Variants in LIN28B observed in about 807,000 individuals in gnomAD.
LIN28B encodes protein lin-28 homolog B.
LIN28B carries 5 observed loss-of-function variants against 21.9 expected under a neutral mutation model. That is an observed-to-expected ratio of 0.23 (90% CI 0.12 to 0.48). The LOEUF (loss-of-function observed/expected upper bound fraction) is 0.48, where lower values mean the gene tolerates loss of function less well. LIN28B is among the 20% of genes least tolerant of loss of function. The pLI is 0.98. For synonymous variants in LIN28B, 109 were observed against 111.3 expected (o/e 0.98, Z 0.13); for missense variants, 245 against 310.5 (o/e 0.79, Z 1.58).
At chr6:104,939,256 A>G (rs887646459) in intron 2 of LIN28B, 2 of 152,260 alleles carry the variant, frequency 1.3e-5, no homozygotes, top group Non-Finnish European at 2.9e-5. Flanking sequence ...TACAATGATT[A>G]TAACTAAGAA....
Position 105,069,979 on chromosome 6 carries a change from TC to T in LIN28B, c.384-8433del, listed in dbSNP as rs371953251. Among the ~76,000 whole-genome samples, 11 of 152,168 alleles carry T rather than the reference TC, an allele frequency of 7.2e-5. No homozygotes were observed. The East Asian group carries it at 1.9e-3, about 27-fold the overall frequency. On this transcript the variant is annotated intron_variant, in intron 3 of 3. Coordinates refer to ENST00000345080, the MANE Select transcript of LIN28B (RefSeq NM_001004317.4). ...CTCCCTTATTTCCTTCTCTTTCCCT[TC>T]CTCCTTCCCTCCTTCCACCCCTCCC...
chr6:104,985,661 T>A (rs939663573), intron 2 of LIN28B, among the ~76,000 whole-genome samples: 4 of 152,176 alleles, frequency 2.6e-5, no homozygotes, highest in African/African-American at 9.6e-5. Context: ...TATGTCATAT[T>A]ATATATTTTC....
At chr6:104,955,941 T>C (rs556120069), upstream of LIN28B, among the ~76,000 whole-genome samples, 1 of 152,148 alleles carries the variant, frequency 6.6e-6, no homozygotes, top group African/African-American at 2.4e-5. Flanking sequence ...TTGAACCAGT[T>C]TGAAAGGTAA....
chr6:105,000,085 A>G (rs1040316109), intron 2 of LIN28B, among the ~76,000 whole-genome samples: 3 of 152,102 alleles, frequency 2.0e-5, no homozygotes, highest in Non-Finnish European at 4.4e-5. Context: ...TTTTTTTAAT[A>G]CAGAAGTTTC....
At chr6:105,036,807 T>C (rs538386620) in intron 3 of LIN28B, among the ~76,000 whole-genome samples, 1 of 152,310 alleles carries the variant, frequency 6.6e-6, no homozygotes, top group East Asian at 1.9e-4. Context: ...ATTTAAGAAG[T>C]AACTTAGCTT....
At chr6:105,019,969 C>T (rs1444124483) in intron 2 of LIN28B, among the ~76,000 whole-genome samples, 1 of 152,078 alleles carries the variant, frequency 6.6e-6, no homozygotes, top group African/African-American at 2.4e-5. Context: ...GTAGCCACTT[C>T]CCAATCTAGT....
chr6:104,970,670 T>C (rs1769958321), intron 2 of LIN28B, among the ~76,000 whole-genome samples: 1 of 152,172 alleles, frequency 6.6e-6, no homozygotes, highest in South Asian at 2.1e-4. Context: ...TTCTAAACTG[T>C]AACTTGTTTC....
In LIN28B at chr6:105,063,062, A is replaced by T. The variant is rs1772151874; in HGVS notation, c.384-15352A>T. Among the ~76,000 whole-genome samples, 3 of 152,144 alleles carry T rather than the reference A, an allele frequency of 2.0e-5. No homozygotes were observed. The South Asian group carries it at 6.2e-4, about 32-fold the overall frequency. On this transcript the variant is annotated intron_variant, in intron 3 of 3. Coordinates refer to ENST00000345080, the MANE Select transcript of LIN28B (RefSeq NM_001004317.4). Reference sequence around the variant, plus strand: ...AATGTTGCATGATGACATCCTGTAGAATGACTAACTGGGTAACAAATTTCC... The same window carrying T: ...AATGTTGCATGATGACATCCTGTAGTATGACTAACTGGGTAACAAATTTCC...
intron 3 of LIN28B, among the ~76,000 whole-genome samples, chr6:105,039,490 G>A (rs1408845356): frequency 6.6e-6 from 1 of 152,096 alleles, no homozygotes. Context: ...TGCACAGAGT[G>A]TATGAAATTT....
chr6:105,051,009 G>A (rs948062882), intron 3 of LIN28B, among the ~76,000 whole-genome samples: 1 of 150,998 alleles, frequency 6.6e-6, no homozygotes, highest in Non-Finnish European at 1.5e-5. Context: ...GAGACCAGGA[G>A]TTTGAGACCA....
chr6:104,975,715 G>A (rs1409137429), intron 2 of LIN28B, among the ~76,000 whole-genome samples: 1 of 151,756 alleles, frequency 6.6e-6, no homozygotes, highest in Non-Finnish European at 1.5e-5. Context: ...GTGGTGTGGT[G>A]TGATCATGGC....
At chr6:104,960,002 A>C (rs546634812) in intron 2 of LIN28B, among the ~76,000 whole-genome samples, 10 of 152,300 alleles carry the variant, frequency 6.6e-5, no homozygotes, top group Admixed American at 6.5e-4. Context: ...TATACTATTT[A>C]ATGATTATAT....
intron 2 of LIN28B, among the ~76,000 whole-genome samples, chr6:104,983,993 A>G (rs1770279626): frequency 6.6e-6 from 1 of 152,226 alleles, no homozygotes; most frequent in Non-Finnish European, 1.5e-5. Flanking sequence ...CGAACAATTT[A>G]CTTGCCGGCA....
At chr6:105,063,478 A>T (rs572889664) in intron 3 of LIN28B, among the ~76,000 whole-genome samples, 4 of 152,080 alleles carry the variant, frequency 2.6e-5, no homozygotes, top group Non-Finnish European at 4.4e-5. Flanking sequence ...TCTACTAAAA[A>T]TACAAAAATT....
At chr6:104,953,324 G>A (rs1778243815), upstream of LIN28B, among the ~76,000 whole-genome samples, 1 of 152,098 alleles carries the variant, frequency 6.6e-6, no homozygotes, top group South Asian at 2.1e-4. Context: ...TGGGGGTGGG[G>A]GTGCTCATTT....
intron 2 of LIN28B, among the ~76,000 whole-genome samples, chr6:104,963,336 G>A (rs1392372707): frequency 2.0e-5 from 3 of 152,114 alleles, no homozygotes; most frequent in South Asian, 2.1e-4. Context: ...GTGAGCCACC[G>A]CTCCTGGCCA....
At chr6:105,009,412 T>A (rs1770878940) in intron 2 of LIN28B, among the ~76,000 whole-genome samples, 1 of 152,146 alleles carries the variant, frequency 6.6e-6, no homozygotes, top group Non-Finnish European at 1.5e-5. Flanking sequence ...CTCTTTCAGA[T>A]GATGGTGGGG....
intron 2 of LIN28B, among the ~76,000 whole-genome samples, chr6:104,966,947 G>A (rs544810062): frequency 6.6e-6 from 1 of 151,868 alleles, no homozygotes; most frequent in South Asian, 2.1e-4. Flanking sequence ...TATTATATTT[G>A]TAGAGACGGG....
In LIN28B at chr6:105,078,568, C is replaced by G; in HGVS notation, c.538C>G (p.Gln180Glu). ...GCCACCCGCGAGTTCTCAGGGAAGA[C>G]AGGAAGCAGAATCCCAGCCATGCAC... The part of the protein sequence containing the change: ...AQPPASSQGR[Q>E]EAESQPCTST... Residue 180 changes from glutamine (Q) to glutamate (E), a missense_variant, in exon 4 of 4, where the codon CAG becomes GAG. By Grantham distance (29) the Gln-to-Glu change is conservative (BLOSUM62 2). Coordinates refer to ENST00000345080, the MANE Select transcript of LIN28B (RefSeq NM_001004317.4). 6.2e-7 allele frequency: 1 copy of G among 1,614,090 alleles called. No homozygotes were observed. Among genetic ancestry groups the G allele is most frequent in the East Asian group, 2.2e-5 (1 of 44,870 alleles).
Sources: gnomAD v4.1 joint callset for allele counts (sites outside exome capture counted in the v4.1 genomes callset) on GRCh38, gnomAD v4.1.1 for gene constraint, MANE v1.5 for transcripts, NCBI Gene and HGNC (gene_info 2026-07-23, HGNC 2026-07-21) for gene names.